The following IDO2 variants were observed in gnomAD, a reference collection of about 807,000 sequenced individuals.
IDO2 encodes indoleamine 2,3-dioxygenase 2.
IDO2 carries 46 observed loss-of-function variants against 45.1 expected under a neutral mutation model. That is an observed-to-expected ratio of 1.02 (90% CI 0.80 to 1.30). The LOEUF (loss-of-function observed/expected upper bound fraction) is 1.30. Among genes scored for constraint, IDO2 ranks in the 50% most tolerant of loss-of-function variants. The pLI, the probability that IDO2 is intolerant of heterozygous loss-of-function variation, is 0.00. For missense variants in IDO2, 544 were observed against 491.8 expected, an observed-to-expected ratio of 1.11 and a Z score of -1.00; for synonymous variants, 218 against 184.9, an observed-to-expected ratio of 1.18 and a Z score of -1.45.
intron 8 of IDO2, 82 bp from the exon 9 acceptor site, chr8:40,005,245 G>A (rs776943153): frequency 5.7e-5 from 49 of 855,990 alleles, no homozygotes; most frequent in Non-Finnish European, 7.7e-5. Flanking sequence ...AAGGAACTCC[G>A]GGACAGCAGC....
At chr8:39,953,692 A>G (rs1807845347) in intron 2 of IDO2, among the ~76,000 whole-genome samples, 2 of 152,066 alleles carry the variant, frequency 1.3e-5, no homozygotes, top group Non-Finnish European at 2.9e-5. Context: ...CCTCCTGAGT[A>G]GCTGGGATTA....
intron 8 of IDO2, among the ~76,000 whole-genome samples, chr8:39,990,779 C>T (rs1009201781): frequency 5.3e-5 from 8 of 152,214 alleles, no homozygotes; most frequent in Non-Finnish European, 1.0e-4. Flanking sequence ...GGAGCCTCTC[C>T]CTGTTAATCT....
intron 3 of IDO2, among the ~76,000 whole-genome samples, chr8:39,973,588 T>TAA (rs1245147548): frequency 6.6e-6 from 1 of 152,116 alleles, no homozygotes; most frequent in African/African-American, 2.4e-5. Context: ...TATAATAGCA[T>TAA]TCTAATTGTG....
chr8:39,987,902 G>A lies in IDO2; in HGVS notation c.481G>A (p.Gly161Arg), dbSNP rs761428678. ...GGAGACCATCATCTCATTTCCTGGG[G>A]GAGAGAGCCTGCATGGTTTTATACT... is the stretch of plus-strand genomic sequence containing the variant. The change falls in exon 7 of 11, where the codon GGA becomes AGA. Residue 161 changes from glycine to arginine, a missense_variant. Physicochemically the swap from Gly to Arg is moderately radical, Grantham distance 125. Coordinates refer to ENST00000502986, the Ensembl canonical transcript of IDO2. 5.8e-5 allele frequency: 94 copies of A among 1,611,058 alleles called. No individual in the cohort carries two copies. Among genetic ancestry groups the A allele is most frequent in the Non-Finnish European group, 7.5e-5 (88 of 1,178,582 alleles).
intron 7 of IDO2, 92 bp from the exon 8 acceptor site, chr8:39,989,629 C>A: frequency 1.2e-6 from 1 of 868,718 alleles, no homozygotes; most frequent in Non-Finnish European, 1.8e-6. Context: ...ACTGTCCGGT[C>A]CTCCCCTGGG....
chr8:39,994,052 G>T (rs1801989405), intron 8 of IDO2, among the ~76,000 whole-genome samples: 1 of 151,892 alleles, frequency 6.6e-6, no homozygotes, highest in Non-Finnish European at 1.5e-5. Flanking sequence ...ATTGTTAAGT[G>T]AAAAAAGCAG....
chr8:40,003,012 A>T (rs1585419321), intron 8 of IDO2, among the ~76,000 whole-genome samples: 1 of 152,288 alleles, frequency 6.6e-6, no homozygotes, highest in Non-Finnish European at 1.5e-5. Context: ...TTCTTTTGTG[A>T]CATGGCCTGA....
chr8:39,957,753 C>A (rs1585400121), intron 2 of IDO2, among the ~76,000 whole-genome samples: 1 of 152,224 alleles, frequency 6.6e-6, no homozygotes, highest in African/African-American at 2.4e-5. Flanking sequence ...AATGTCAGAA[C>A]AGCTTCTTTC....
At chr8:39,945,817 G>A (rs1034220213) in intron 1 of IDO2, among the ~76,000 whole-genome samples, 1 of 152,142 alleles carries the variant, frequency 6.6e-6, no homozygotes, top group Non-Finnish European at 1.5e-5. Context: ...GCAAAATTAT[G>A]ACTGAGACAG....
rs562561045 is a variant in IDO2, at chr8:39,960,851, C to T, written c.100-2757C>T. ...AGGATGGAGTGCAGTGGCACAATCTCGGCTCACTGCAAGCTCCACCTCCCG... is the reference window on the plus strand; with the variant it reads ...AGGATGGAGTGCAGTGGCACAATCTTGGCTCACTGCAAGCTCCACCTCCCG... On this transcript the variant is annotated intron_variant, in intron 2 of 10. Coordinates refer to ENST00000502986, the Ensembl canonical transcript of IDO2. 2.8e-4 allele frequency among the ~76,000 whole-genome samples: 42 copies of T among 152,170 alleles called. 1 individual carries two copies. In the East Asian group the frequency reaches 7.5e-3, roughly 27 times the overall value.
Position 39,963,541 on chromosome 8 carries a change from T to G in IDO2, c.100-67T>G, listed in dbSNP as rs912440022. ...TCCCCTGAAGACTGAAATGTGAAAA[T>G]AGCTACTCTCGGAAGCCCCTTTCCA... is the stretch of plus-strand genomic sequence containing the variant. On this transcript the variant is annotated intron_variant, in intron 2 of 10. Coordinates refer to ENST00000502986, the Ensembl canonical transcript of IDO2. 4.2e-5 allele frequency: 36 copies of G among 857,028 alleles called. No homozygotes were observed. In the East Asian group the frequency reaches 8.6e-4, roughly 21 times the overall value. 53.1% of individuals were successfully genotyped at this position (857,028 alleles called of 1,614,324 possible). A position where few individuals can be genotyped will look rare whatever the true frequency, so the allele number is the denominator to read the frequency against.
At chr8:39,988,697 G>T (rs185370236) in intron 7 of IDO2, among the ~76,000 whole-genome samples, 3 of 152,088 alleles carry the variant, frequency 2.0e-5, no homozygotes, top group African/African-American at 7.2e-5. Flanking sequence ...GATTACAGGT[G>T]TGAGCCACCC....
chr8:39,979,973 C>T (rs370964021), intron 4 of IDO2, among the ~76,000 whole-genome samples: 20 of 152,242 alleles, frequency 1.3e-4, no homozygotes, highest in African/African-American at 3.9e-4. Context: ...CAGCATGTAC[C>T]GCCACACCCA....
At chr8:40,001,506 C>T (rs1802137398) in intron 8 of IDO2, among the ~76,000 whole-genome samples, 1 of 151,862 alleles carries the variant, frequency 6.6e-6, no homozygotes, top group Non-Finnish European at 1.5e-5. Flanking sequence ...CCTCAGCCTC[C>T]CAAAGTGCTG....
chr8:39,986,853 C>T lies in IDO2; in HGVS notation c.450-1018C>T, dbSNP rs191694946. 25 of 106,576 alleles carry T rather than the reference C, an allele frequency of 2.3e-4. No individual in the cohort carries two copies. In the East Asian group the frequency reaches 7.8e-3, roughly 33 times the overall value. The allele number at this position is 106,576 out of a possible 1,614,324, so 6.6% of individuals were successfully genotyped here. On this transcript the variant is annotated intron_variant, in intron 6 of 10. Coordinates refer to ENST00000502986, the Ensembl canonical transcript of IDO2. ...AATGCTATTCTCATGATAGTGAGTT[C>T]TCACAATATCTCATTATTATTATTA...
chr8:39,995,628 T>C (rs1246588646), intron 8 of IDO2, among the ~76,000 whole-genome samples: 2 of 152,160 alleles, frequency 1.3e-5, no homozygotes, highest in Non-Finnish European at 2.9e-5. Context: ...GAGGAAAATA[T>C]ATAGAATAAG....
chr8:39,959,000 C>A (rs1027371617), intron 2 of IDO2, among the ~76,000 whole-genome samples: 3 of 152,202 alleles, frequency 2.0e-5, no homozygotes, highest in Non-Finnish European at 4.4e-5. Flanking sequence ...TCAACCATCT[C>A]ACTTTACGGT....
At chr8:40,000,495 A>G (rs1207742003) in intron 8 of IDO2, among the ~76,000 whole-genome samples, 1 of 152,208 alleles carries the variant, frequency 6.6e-6, no homozygotes, top group East Asian at 1.9e-4. Context: ...TCTAAAAAGA[A>G]TTAAAATGTA....
At chr8:39,979,297 C>A (rs749146986) in intron 4 of IDO2, 111 bp downstream of exon 4, 800 of 1,137,844 alleles carry the variant, frequency 7.0e-4, no homozygotes, top group Admixed American at 9.8e-4. Context: ...GTACTTTCTT[C>A]TTCTCGATGG....
Sources: allele counts gnomAD v4.1 joint callset (sites outside exome capture counted in the v4.1 genomes callset), GRCh38; gene constraint gnomAD v4.1.1; transcripts MANE v1.5; gene names NCBI Gene and HGNC (gene_info 2026-07-23, HGNC 2026-07-21).